KCNK13: variants seen among roughly 807,000 people sequenced by gnomAD.
KCNK13 encodes potassium two pore domain channel subfamily K member 13, also known as potassium channel subfamily K member 13.
Under a neutral mutation model 23.4 loss-of-function variants are expected in KCNK13, and 12 were observed. That is an observed-to-expected ratio of 0.51 (90% CI 0.33 to 0.83). The LOEUF (loss-of-function observed/expected upper bound fraction) is 0.83, where lower values mean the gene tolerates loss of function less well. Among genes scored for constraint, KCNK13 ranks in the 40% least tolerant of loss-of-function variants. KCNK13 has a pLI of 0.02. For missense variants in KCNK13, 463 were observed against 556.3 expected (o/e 0.83, Z 1.69); for synonymous variants, 231 against 229.5 (o/e 1.01, Z -0.06).
Position 90,102,057 on chromosome 14 carries a change from A to C in KCNK13, c.334+39518A>C, listed in dbSNP as rs1889488274. On this transcript the variant is annotated intron_variant, in intron 1 of 1. Transcript: ENST00000282146. ...TGCTACCACACCCGGCTAATTTTAT[A>C]TTTTTAGTAGAGATGGGATTTCTCC... is the stretch of plus-strand genomic sequence containing the variant. Among the ~76,000 whole-genome samples the C allele has an allele frequency of 2.0e-5, 3 of 151,688 alleles. No individual in the cohort carries two copies. In the South Asian group the frequency reaches 6.3e-4, roughly 32 times the overall value.
At chr14:90,181,519 T>C (rs10130833) in intron 1 of KCNK13, among the ~76,000 whole-genome samples, 95,307 of 152,040 alleles carry the variant, frequency 0.63, 32,049 homozygotes, top group East Asian at 0.92. Context: ...ATACCATCAC[T>C]TTATGGGTGA....
intron 1 of KCNK13, among the ~76,000 whole-genome samples, chr14:90,075,362 G>T (rs1372614421): frequency 6.6e-6 from 1 of 152,102 alleles, no homozygotes; most frequent in Non-Finnish European, 1.5e-5. Context: ...GGTCCTTGTT[G>T]TATCTTTTTC....
chr14:90,082,801 T>A (rs1186309672), intron 1 of KCNK13, among the ~76,000 whole-genome samples: 2 of 152,244 alleles, frequency 1.3e-5, no homozygotes, highest in African/African-American at 4.8e-5. Flanking sequence ...TTTTCATTTC[T>A]CTTGAGCATG....
intron 1 of KCNK13, among the ~76,000 whole-genome samples, chr14:90,113,878 A>G (rs1889643893): frequency 6.6e-6 from 1 of 152,120 alleles, no homozygotes; most frequent in Admixed American, 6.5e-5. Context: ...GGTTGCAGTG[A>G]GCCAAGATTG....
intron 1 of KCNK13, among the ~76,000 whole-genome samples, chr14:90,162,251 A>G (rs752363971): frequency 5.3e-5 from 8 of 152,372 alleles, no homozygotes; most frequent in Admixed American, 3.9e-4. Flanking sequence ...AGCATAGGCA[A>G]TGGATCAATT....
intron 1 of KCNK13, among the ~76,000 whole-genome samples, chr14:90,120,748 G>A (rs528483773): frequency 6.0e-4 from 92 of 152,134 alleles, no homozygotes; most frequent in Non-Finnish European, 1.0e-3. Flanking sequence ...TTCTGCCCCC[G>A]GCCCCTCCCA....
chr14:90,077,422 A>G (rs1889153355), intron 1 of KCNK13, among the ~76,000 whole-genome samples: 1 of 152,048 alleles, frequency 6.6e-6, no homozygotes, highest in Admixed American at 6.6e-5. Flanking sequence ...TGCCCGGCCA[A>G]TCCTGGGAAT....
chr14:90,145,546 A>ACGTTT (rs10646685), intron 1 of KCNK13, among the ~76,000 whole-genome samples: 9,862 of 152,182 alleles, frequency 0.065, 410 homozygotes, highest in South Asian at 0.21. Context: ...ACTAGTATGT[A>ACGTTT]CTTTTGTCTT....
chr14:90,181,150 C>T (rs112914565), intron 1 of KCNK13, among the ~76,000 whole-genome samples: 6,617 of 152,222 alleles, frequency 0.043, 203 homozygotes, highest in Middle Eastern at 0.11. Context: ...CCACCATGCC[C>T]AGCCCACTGT....
At chr14:90,162,101 G>A (rs1277634433) in intron 1 of KCNK13, among the ~76,000 whole-genome samples, 1 of 152,150 alleles carries the variant, frequency 6.6e-6, no homozygotes, top group African/African-American at 2.4e-5. Flanking sequence ...AATCACTTGA[G>A]CCTGGGAGGG....
At chr14:90,154,321 T>C (rs1336474130) in intron 1 of KCNK13, among the ~76,000 whole-genome samples, 1 of 149,566 alleles carries the variant, frequency 6.7e-6, no homozygotes, top group East Asian at 2.0e-4. Context: ...CCTGCTCTCC[T>C]ACCCACAATG....
intron 1 of KCNK13, among the ~76,000 whole-genome samples, chr14:90,175,919 C>T (rs1361183819): frequency 6.6e-6 from 1 of 152,138 alleles, no homozygotes; most frequent in African/African-American, 2.4e-5. Flanking sequence ...ACCCTTCTTA[C>T]GTGGTGTCTA....
At position 90,064,974 on chromosome 14, in the gene KCNK13, G is replaced by A. The variant is rs189327658; in HGVS notation, c.334+2435G>A. On this transcript the variant is annotated intron_variant, in intron 1 of 1. Coordinates refer to ENST00000282146, the MANE Select transcript of KCNK13 (RefSeq NM_022054.4). ...CATGAGGTAGGCATAACACTCCCCC[G>A]TTATAGATGAAAAAGCTGAAGGTTC... Among the ~76,000 whole-genome samples the A allele has an allele frequency of 1.6e-3, 237 of 152,072 alleles. 1 individual carries two copies. The highest frequency in any genetic ancestry group is 5.2e-3 in the African/African-American group (215 of 41,478).
intron 1 of KCNK13, among the ~76,000 whole-genome samples, chr14:90,064,369 G>A (rs1038411966): frequency 9.4e-5 from 14 of 149,436 alleles, no homozygotes; most frequent in Admixed American, 9.2e-4. Context: ...AAGGAGCAGA[G>A]TGTGTGTGTG....
chr14:90,134,716 C>T (rs1040277947), intron 1 of KCNK13, among the ~76,000 whole-genome samples: 5 of 152,204 alleles, frequency 3.3e-5, no homozygotes, highest in African/African-American at 4.8e-5. Flanking sequence ...ACTTTACTAA[C>T]AGAGAAACTG....
chr14:90,143,786 G>A (rs1249811283), intron 1 of KCNK13, among the ~76,000 whole-genome samples: 1 of 152,196 alleles, frequency 6.6e-6, no homozygotes, highest in East Asian at 1.9e-4. Flanking sequence ...AAGCGAGGCA[G>A]AGAAAAAGAG....
chr14:90,087,539 T>G (rs946015323), intron 1 of KCNK13, among the ~76,000 whole-genome samples: 2 of 152,196 alleles, frequency 1.3e-5, no homozygotes, highest in Non-Finnish European at 2.9e-5. Flanking sequence ...AACCTGCCAC[T>G]GCCTCCATCC....
rs542656012 is a variant in KCNK13, at chr14:90,068,907, G to A, written c.334+6368G>A. Among the ~76,000 whole-genome samples the A allele has an allele frequency of 2.0e-5, 3 of 152,256 alleles. No homozygotes were observed. The South Asian group carries it at 6.2e-4, about 32-fold the overall frequency. ...GGGCAGGTTCATTACACACCATCCAGATGCAGGGATGTGCCGGGCTCAGGC... is the reference window on the plus strand; with the variant it reads ...GGGCAGGTTCATTACACACCATCCAAATGCAGGGATGTGCCGGGCTCAGGC... On this transcript the variant is annotated intron_variant, in intron 1 of 1. Coordinates refer to ENST00000282146, the MANE Select transcript of KCNK13 (RefSeq NM_022054.4).
chr14:90,148,490 A>G (rs1280671882), intron 1 of KCNK13, among the ~76,000 whole-genome samples: 1 of 152,252 alleles, frequency 6.6e-6, no homozygotes, highest in African/African-American at 2.4e-5. Context: ...TAACTCTGCC[A>G]GGAGAAGCTG....
Sources: allele counts gnomAD v4.1 joint callset (sites outside exome capture counted in the v4.1 genomes callset), GRCh38; gene constraint gnomAD v4.1.1; transcripts MANE v1.5; gene names NCBI Gene and HGNC (gene_info 2026-07-23, HGNC 2026-07-21).